Variants in JPH2 observed in about 807,000 individuals in gnomAD.
JPH2 encodes junctophilin 2.
In JPH2, 38 loss-of-function variants were observed where a neutral mutation model predicts 55.9. The ratio of observed to expected loss-of-function variants is 0.68; its 90% confidence interval spans 0.52 to 0.89. JPH2 has a LOEUF of 0.89. JPH2 is among the 40% of genes least tolerant of loss of function. The probability of loss-of-function intolerance (pLI) is 0.00; values close to 1 mark genes in which losing one functional copy is unlikely to be tolerated. For synonymous variants in JPH2, 480 were observed against 472.4 expected (o/e 1.02, Z -0.21); for missense variants, 964 against 1,037.6 (o/e 0.93, Z 0.97).
Position 44,109,886 on chromosome 20 carries a change from C to T in JPH2, c.*3632G>A, listed in dbSNP as rs1459695850. Among the ~76,000 whole-genome samples, 1 of 152,106 alleles carries T rather than the reference C, an allele frequency of 6.6e-6. No individual in the cohort carries two copies. The highest frequency in any genetic ancestry group is 1.5e-5 in the Non-Finnish European group (1 of 68,032). On this transcript the variant is annotated 3_prime_UTR_variant, in exon 6 of 6. Transcript: ENST00000372980. ...ATCTGACTCCCACGGTTCCTAGGTC[C>T]CCTCCCTTTCACTGCCCTGGAAGAG...
At chr20:44,136,231 G>A (rs766976089) in intron 2 of JPH2, among the ~76,000 whole-genome samples, 11 of 152,180 alleles carry the variant, frequency 7.2e-5, no homozygotes, top group Non-Finnish European at 1.5e-4. Flanking sequence ...TGGGGAACCT[G>A]GAGGCCTCAG....
intron 2 of JPH2, among the ~76,000 whole-genome samples, chr20:44,124,062 G>A (rs1336621263): frequency 2.0e-5 from 3 of 152,152 alleles, no homozygotes; most frequent in East Asian, 3.9e-4. Flanking sequence ...CACTGGGGCC[G>A]GGGGAGGAAC....
At chr20:44,144,494 A>C (rs754434643) in intron 2 of JPH2, among the ~76,000 whole-genome samples, 1 of 152,168 alleles carries the variant, frequency 6.6e-6, no homozygotes. Context: ...GGGAAGACCA[A>C]GGACACTTGG....
In JPH2 at chr20:44,111,000, C is replaced by T. The variant is rs2072138846; in HGVS notation, c.*2518G>A. ...CAACCCCCTCGCTGGGAACCACCGGCTGTGAGAGTAACTTCATGGGCAGTA... is the reference window on the plus strand; with the variant it reads ...CAACCCCCTCGCTGGGAACCACCGGTTGTGAGAGTAACTTCATGGGCAGTA... On this transcript the variant is annotated 3_prime_UTR_variant, in exon 6 of 6. Transcript: ENST00000372980. 6.6e-6 allele frequency among the ~76,000 whole-genome samples: 1 copy of T among 152,214 alleles called. No homozygotes were observed. Among genetic ancestry groups the T allele is most frequent in the Admixed American group, 6.5e-5 (1 of 15,290 alleles).
rs1282946895 is a variant in JPH2, at chr20:44,186,885, C to T, written c.-180G>A. On this transcript the variant is annotated 5_prime_UTR_variant, in exon 1 of 6. Transcript: ENST00000372980. ...AAGAGCCCCGGCGCCAAGTCAGCAC[C>T]GGGTCGGCTAGTCAGTGCCATGCCC... 1.2e-5 allele frequency: 8 copies of T among 644,748 alleles called. No homozygotes were observed. The highest frequency in any genetic ancestry group is 2.1e-5 in the Non-Finnish European group (8 of 375,410). 39.9% of individuals were successfully genotyped at this position (644,748 alleles called of 1,614,324 possible).
chr20:44,118,694 C>T (rs1459489838), intron 2 of JPH2, 71 bp from the exon 3 acceptor site: 2 of 1,209,324 alleles, frequency 1.7e-6, no homozygotes, highest in East Asian at 2.3e-5. Context: ...TCTCCCCAAC[C>T]CACAAAGAGA....
rs940622693 is a variant in JPH2, at chr20:44,109,179, G to A, written c.*4339C>T. Among the ~76,000 whole-genome samples, 3 of 152,262 alleles carry A rather than the reference G, an allele frequency of 2.0e-5. No homozygotes were observed. Among genetic ancestry groups the A allele is most frequent in the East Asian group, 3.9e-4 (2 of 5,190 alleles). On this transcript the variant is annotated 3_prime_UTR_variant, in exon 6 of 6. Transcript: ENST00000372980. ...AGCTCTGGGTTTCAGTCCCAGCTCT[G>A]TCCTTCCCTCTCTGTGATACCTTGA... is the stretch of plus-strand genomic sequence containing the variant.
intron 5 of JPH2, among the ~76,000 whole-genome samples, chr20:44,114,385 G>C (rs974372398): frequency 1.3e-5 from 2 of 152,152 alleles, no homozygotes; most frequent in Admixed American, 6.5e-5. Flanking sequence ...TCTGTAATGA[G>C]CTCTAAGTTC....
chr20:44,149,908 G>A (rs542545272), intron 2 of JPH2, among the ~76,000 whole-genome samples: 7 of 145,002 alleles, frequency 4.8e-5, no homozygotes, highest in African/African-American at 1.3e-4. Context: ...AACCTGGGAG[G>A]CAGAGGTTGC....
chr20:44,164,784 A>G (rs2072643475), intron 1 of JPH2, among the ~76,000 whole-genome samples: 1 of 151,482 alleles, frequency 6.6e-6, no homozygotes, highest in Non-Finnish European at 1.5e-5. Flanking sequence ...AGAATGCAAA[A>G]GGGCACAGGG....
Position 44,109,134 on chromosome 20 carries a change from G to A in JPH2, c.*4384C>T, listed in dbSNP as rs1307095664. Among the ~76,000 whole-genome samples the A allele has an allele frequency of 6.6e-6, 1 of 152,144 alleles. No homozygotes were observed. Among genetic ancestry groups the A allele is most frequent in the Admixed American group, 6.5e-5 (1 of 15,272 alleles). ...CTCACTCTTTCATGGTGGGAGCAGTGTGGTTCTGTAAAAGAGCACAGCTCT... is the reference window on the plus strand; with the variant it reads ...CTCACTCTTTCATGGTGGGAGCAGTATGGTTCTGTAAAAGAGCACAGCTCT... On this transcript the variant is annotated 3_prime_UTR_variant, in exon 6 of 6. Coordinates refer to ENST00000372980, the MANE Select transcript of JPH2 (RefSeq NM_020433.5).
rs1491553800 is a variant in JPH2 at position 44,134,887 on chromosome 20, T to TA, written c.1170-16265_1170-16264insT. 6.8e-3 allele frequency among the ~76,000 whole-genome samples: 729 copies of TA among 107,574 alleles called. 12 individuals are homozygous for TA. The highest frequency in any genetic ancestry group is 0.027 in the African/African-American group (681 of 25,374). The allele number at this position is 107,574 out of a possible 152,430, so 70.6% of individuals were successfully genotyped here. On this transcript the variant is annotated intron_variant, in intron 2 of 5. Transcript: ENST00000372980. Reference sequence around the variant, plus strand: ...ATAAATATATATATTTATATATATATTAATATATATTTATATATATATATA... The same window carrying TA: ...ATAAATATATATATTTATATATATATATAATATATATTTATATATATATATA...
Position 44,186,395 on chromosome 20 carries a change from G to A in JPH2, c.311C>T (p.Ala104Val), listed in dbSNP as rs1368091949. 1 of 1,613,470 alleles carries A rather than the reference G, an allele frequency of 6.2e-7. No individual in the cohort carries two copies. The highest frequency in any genetic ancestry group is 8.5e-7 in the Non-Finnish European group (1 of 1,179,940). Reference sequence around the variant, plus strand: ...ATTGTTCCAGGTGCCCTCATACTTGGCACCGCTGCTTGAGCTCTGCCGGAT... The same window carrying A: ...ATTGTTCCAGGTGCCCTCATACTTGACACCGCTGCTTGAGCTCTGCCGGAT... ...YGIRQSSSSG[A>V]KYEGTWNNGL... The change falls in exon 1 of 6, where the codon GCC becomes GTC. Residue 104 changes from alanine (A) to valine (V), a missense_variant. By Grantham distance (64) the Ala-to-Val change is moderately conservative. Transcript: ENST00000372980.
At chr20:44,146,168 G>A (rs1450274959) in intron 2 of JPH2, among the ~76,000 whole-genome samples, 1 of 151,950 alleles carries the variant, frequency 6.6e-6, no homozygotes, top group Admixed American at 6.6e-5. Flanking sequence ...CCAGCAGCTG[G>A]GACTACAGGC....
chr20:44,133,520 C>T (rs764438483), intron 2 of JPH2, among the ~76,000 whole-genome samples: 2 of 151,982 alleles, frequency 1.3e-5, no homozygotes, highest in Non-Finnish European at 2.9e-5. Flanking sequence ...CTACCTGATT[C>T]CAAAGGTTGT....
intron 2 of JPH2, among the ~76,000 whole-genome samples, chr20:44,135,987 G>C (rs1334896131): frequency 6.6e-6 from 1 of 152,182 alleles, no homozygotes; most frequent in Non-Finnish European, 1.5e-5. Flanking sequence ...CCTTATGAGA[G>C]AAATACTATC....
intron 2 of JPH2, among the ~76,000 whole-genome samples, chr20:44,142,652 C>A (rs186769079): frequency 2.0e-5 from 3 of 152,196 alleles, no homozygotes; most frequent in Admixed American, 2.0e-4. Context: ...GCAACTTGCC[C>A]GACCACAGGC....
At chr20:44,125,109 G>A in intron 2 of JPH2, among the ~76,000 whole-genome samples, 1 of 89,216 alleles carries the variant, frequency 1.1e-5, no homozygotes. Flanking sequence ...GTGAGACTCT[G>A]GCTCAAAAAA....
intron 2 of JPH2, among the ~76,000 whole-genome samples, chr20:44,134,491 ATTTAT>A (rs1569194411): frequency 5.0e-4 from 6 of 12,066 alleles, no homozygotes; most frequent in Admixed American, 1.7e-3. Flanking sequence ...TATAATATAT[ATTTAT>A]TATATATAAA....
Sources: gnomAD v4.1 joint callset for allele counts (sites outside exome capture counted in the v4.1 genomes callset) on GRCh38, gnomAD v4.1.1 for gene constraint, MANE v1.5 for transcripts, NCBI Gene and HGNC (gene_info 2026-07-23, HGNC 2026-07-21) for gene names.